QKI: variants seen among roughly 807,000 people sequenced by gnomAD.
The protein encoded by QKI is QKI, KH domain containing RNA binding.
A neutral mutation model predicts 39.0 loss-of-function variants in QKI; 10 were observed. That is an observed-to-expected ratio of 0.26 (90% CI 0.16 to 0.43). QKI has a LOEUF of 0.43. Ranked by LOEUF, QKI falls within the 20% of genes least tolerant of loss-of-function variation. The probability of loss-of-function intolerance (pLI) is 1.00; values close to 1 mark genes in which losing one functional copy is unlikely to be tolerated. For synonymous variants in QKI, 204 were observed against 155.4 expected (o/e 1.31, Z -2.33); for missense variants, 218 against 428.0 (o/e 0.51, Z 4.33).
chr6:163,491,308 G>A (rs753160781), intron 3 of QKI, among the ~76,000 whole-genome samples: 2 of 152,130 alleles, frequency 1.3e-5, no homozygotes, highest in Non-Finnish European at 2.9e-5. Context: ...CTGTCAGAAT[G>A]CTCAAAGAGT....
At chr6:163,483,723 C>T (rs951831254) in intron 3 of QKI, among the ~76,000 whole-genome samples, 3 of 152,210 alleles carry the variant, frequency 2.0e-5, no homozygotes, top group Middle Eastern at 3.2e-3. Flanking sequence ...CCCTCAGAGT[C>T]ATCCTTGAGG....
At chr6:163,538,621 G>A (rs949486747) in intron 4 of QKI, among the ~76,000 whole-genome samples, 1 of 152,072 alleles carries the variant, frequency 6.6e-6, no homozygotes, top group African/African-American at 2.4e-5. Flanking sequence ...AGGAAAGGAG[G>A]GACAAAGTGT....
chr6:163,566,487 A>G (rs1031957137), intron 6 of QKI: 10 of 1,344,826 alleles, frequency 7.4e-6, no homozygotes, highest in South Asian at 1.6e-5. Flanking sequence ...GGGATTGTAA[A>G]TGAATGGATA....
At position 163,575,401 on chromosome 6, in the gene QKI, G is replaced by C. The variant is rs936385419; in HGVS notation, c.*4691G>C. 7 of 152,134 alleles carry C rather than the reference G, an allele frequency of 4.6e-5. No homozygotes were observed. Among genetic ancestry groups the C allele is most frequent in the Non-Finnish European group, 1.0e-4 (7 of 68,034 alleles). The allele number at this position is 152,134 out of a possible 1,614,324, so 9.4% of individuals were successfully genotyped here. Reference sequence around the variant, plus strand: ...ACATTACAGATTTCATTTTTATACAGGTTACAATATTAAACATGAAACTAC... The same window carrying C: ...ACATTACAGATTTCATTTTTATACACGTTACAATATTAAACATGAAACTAC... On this transcript the variant is annotated 3_prime_UTR_variant, in exon 8 of 8. Transcript: ENST00000361752.
In QKI at chr6:163,519,833, A is replaced by G. The variant is rs115163105; in HGVS notation, c.403-15149A>G. Among the ~76,000 whole-genome samples the G allele has an allele frequency of 2.9e-3, 436 of 152,204 alleles. 2 individuals carry two copies. Among genetic ancestry groups the G allele is most frequent in the African/African-American group, 9.7e-3 (404 of 41,536 alleles). ...ATAGTTGTTATATAAAGTTTGTTTA[A>G]TATCTCAGAAAATGTTTTTCATTGC... On this transcript the variant is annotated intron_variant, in intron 3 of 7. Transcript: ENST00000361752.
rs1352495532 is a variant in QKI, at chr6:163,546,855, T to C, written c.546+11730T>C. The stretch of plus-strand genomic sequence containing the variant: ...CATCACAAGGCTCCTTTATGGGAAT[T>C]AACTCTGAAACCATATTGCCAAATT... On this transcript the variant is annotated intron_variant, in intron 4 of 7. Coordinates refer to ENST00000361752, the MANE Select transcript of QKI (RefSeq NM_006775.3). 3.3e-5 allele frequency among the ~76,000 whole-genome samples: 5 copies of C among 151,738 alleles called. No homozygotes were observed. The East Asian group carries it at 7.7e-4, about 23-fold the overall frequency.
intron 7 of QKI, chr6:163,568,686 T>G: frequency 1.0e-6 from 1 of 984,426 alleles, no homozygotes; most frequent in South Asian, 4.7e-5. Context: ...ATTCATTTAA[T>G]GCAAAAAAAC....
chr6:163,535,003 C>T lies in QKI; in HGVS notation c.424C>T (p.Pro142Ser), dbSNP rs1476379904. 1.2e-6 allele frequency: 2 copies of T among 1,607,956 alleles called. No homozygotes were observed. The highest frequency in any genetic ancestry group is 1.7e-6 in the Non-Finnish European group (2 of 1,177,448). The change falls in exon 4 of 8, where the codon CCC becomes TCC. Residue 142 changes from proline (P) to serine (S), a missense_variant. Pro to Ser is a moderately conservative substitution (Grantham distance 74). This residue lies in a region of QKI where 61 missense variants were observed against 193.3 expected (regional missense o/e 0.32). Transcript: ENST00000361752. ...KKKEEQNRGK[P>S]NWEHLNEDLH... ...TTAGGAGGAGCAAAATAGAGGCAAG[C>T]CCAATTGGGAGCATCTAAATGAAGA... is the stretch of plus-strand genomic sequence containing the variant.
chr6:163,455,503 A>C, intron 2 of QKI, 82 bp downstream of exon 2: 1 of 1,339,686 alleles, frequency 7.5e-7, no homozygotes, highest in Non-Finnish European at 1.0e-6. Context: ...TAAATACTTA[A>C]GCATTATTAG....
intron 2 of QKI, among the ~76,000 whole-genome samples, chr6:163,461,186 G>C (rs973845019): frequency 2.0e-5 from 3 of 151,902 alleles, no homozygotes; most frequent in Non-Finnish European, 4.4e-5. Context: ...ACTCTGTAAG[G>C]GTATATTTAG....
At chr6:163,433,369 T>C (rs547184627) in intron 1 of QKI, among the ~76,000 whole-genome samples, 1 of 152,354 alleles carries the variant, frequency 6.6e-6, no homozygotes, top group East Asian at 1.9e-4. Context: ...AGTAGAAGTC[T>C]GATTTTGTGA....
chr6:163,531,956 C>G (rs1562518868), intron 3 of QKI, among the ~76,000 whole-genome samples: 1 of 152,186 alleles, frequency 6.6e-6, no homozygotes, highest in African/African-American at 2.4e-5. Flanking sequence ...TTGAAGCAAA[C>G]AGGGTAGATG....
At chr6:163,482,455 A>T (rs944208227) in intron 3 of QKI, among the ~76,000 whole-genome samples, 1 of 152,140 alleles carries the variant, frequency 6.6e-6, no homozygotes, top group Admixed American at 6.5e-5. Context: ...ATAATGTCAC[A>T]TACCACAGGC....
chr6:163,544,875 T>G (rs1420363113), intron 4 of QKI, among the ~76,000 whole-genome samples: 2 of 152,122 alleles, frequency 1.3e-5, no homozygotes, highest in African/African-American at 4.8e-5. Context: ...TTTTTTAAGG[T>G]ACAATACATT....
intron 3 of QKI, among the ~76,000 whole-genome samples, chr6:163,481,151 C>T (rs982605621): frequency 1.3e-5 from 2 of 152,110 alleles, no homozygotes; most frequent in African/African-American, 4.8e-5. Context: ...AAAGATAGCT[C>T]ATTGAGATGT....
chr6:163,479,617 A>G (rs1792913593), intron 3 of QKI, among the ~76,000 whole-genome samples: 1 of 152,108 alleles, frequency 6.6e-6, no homozygotes, highest in Non-Finnish European at 1.5e-5. Context: ...TGATCCACCC[A>G]CCTCAGCCTC....
intron 2 of QKI, among the ~76,000 whole-genome samples, chr6:163,456,572 T>C (rs1583021323): frequency 6.6e-6 from 1 of 152,326 alleles, no homozygotes; most frequent in East Asian, 1.9e-4. Context: ...ATGAGAAATG[T>C]CTTAAGTTGA....
chr6:163,442,295 T>C (rs2128215243), intron 1 of QKI, among the ~76,000 whole-genome samples: 1 of 152,300 alleles, frequency 6.6e-6, no homozygotes, highest in East Asian at 1.9e-4. Flanking sequence ...TATTTTAAAA[T>C]GAAAAAATAA....
At position 163,415,304 on chromosome 6, in the gene QKI, C is replaced by T; in HGVS notation, c.111C>T (p.Ile37=). The change falls in exon 1 of 8, where the codon ATC becomes ATT. Residue 37 remains isoleucine (I), a synonymous_variant. Transcript: ENST00000361752. ...GCAGCCTGCCCAACTTCTGCGGGAT[C>T]TTCAACCACCTCGAGCGGCTGCTGG... ...LMSSLPNFCG[I]FNHLERLLDE... The T allele has an allele frequency of 1.3e-6, 2 of 1,594,240 alleles. No homozygotes were observed. Among genetic ancestry groups the T allele is most frequent in the Non-Finnish European group, 1.7e-6 (2 of 1,167,428 alleles).
Sources: gnomAD v4.1 joint callset for allele counts (sites outside exome capture counted in the v4.1 genomes callset) on GRCh38, gnomAD v4.1.1 for gene constraint, gnomAD v4.1.1 regional missense constraint, MANE v1.5 for transcripts, NCBI Gene and HGNC (gene_info 2026-07-23, HGNC 2026-07-21) for gene names.